The following GABRG3 variants were observed in gnomAD, a reference collection of about 807,000 sequenced individuals.
The protein encoded by GABRG3 is gamma-aminobutyric acid receptor subunit gamma-3.
In GABRG3, 25 loss-of-function variants were observed where a neutral mutation model predicts 48.8. The observed-to-expected ratio is 0.51, with a 90% CI of 0.37 to 0.72. The LOEUF (loss-of-function observed/expected upper bound fraction) is 0.72, where lower values mean the gene tolerates loss of function less well. Among genes scored for constraint, GABRG3 ranks in the 30% least tolerant of loss-of-function variants. The pLI, the probability that GABRG3 is intolerant of heterozygous loss-of-function variation, is 0.00. For synonymous variants in GABRG3, 227 were observed against 217.6 expected (o/e 1.04, Z -0.38); for missense variants, 394 against 577.9 (o/e 0.68, Z 3.26).
chr15:27,254,369 G>A (rs1171308132), intron 3 of GABRG3, among the ~76,000 whole-genome samples: 1 of 152,154 alleles, frequency 6.6e-6, no homozygotes, highest in Admixed American at 6.5e-5. Context: ...GTTCTCGCCT[G>A]TTCTTCTGAG....
chr15:27,448,334 G>A (rs566732748), intron 5 of GABRG3, among the ~76,000 whole-genome samples: 10 of 152,274 alleles, frequency 6.6e-5, no homozygotes, highest in African/African-American at 2.4e-4. Flanking sequence ...ACGTGACTGG[G>A]GCTGGATCTG....
At chr15:27,429,614 G>A (rs1000084126) in intron 5 of GABRG3, among the ~76,000 whole-genome samples, 4 of 152,090 alleles carry the variant, frequency 2.6e-5, no homozygotes, top group African/African-American at 9.7e-5. Context: ...AATCATGCTC[G>A]GTACTTGAAT....
At position 27,306,945 on chromosome 15, in the gene GABRG3, T is replaced by TA. The variant is rs1262765194; in HGVS notation, c.271-19863dup. 7.6e-5 allele frequency among the ~76,000 whole-genome samples: 9 copies of TA among 118,164 alleles called. 1 individual carries two copies. The highest frequency in any genetic ancestry group is 2.8e-4 in the African/African-American group (9 of 31,754). 77.5% of individuals were successfully genotyped at this position (118,164 alleles called of 152,430 possible). A position where few individuals can be genotyped will look rare whatever the true frequency, so the allele number is the denominator to read the frequency against. On this transcript the variant is annotated intron_variant, in intron 3 of 9. Transcript: ENST00000615808. Reference sequence around the variant, plus strand: ...ATAAACATGTTTATATATAAACATATATAATATAAACATGTTTATATATAA... The same window carrying TA: ...ATAAACATGTTTATATATAAACATATAATAATATAAACATGTTTATATATAA...
intron 6 of GABRG3, among the ~76,000 whole-genome samples, chr15:27,499,982 C>A (rs528155995): frequency 6.6e-6 from 1 of 152,322 alleles, no homozygotes; most frequent in South Asian, 2.1e-4. Context: ...AGAGGATGCA[C>A]AGTGTGTCCC....
chr15:27,488,126 C>T (rs1416708981), intron 6 of GABRG3, among the ~76,000 whole-genome samples: 1 of 152,170 alleles, frequency 6.6e-6, no homozygotes, highest in Non-Finnish European at 1.5e-5. Context: ...CACATCCTAG[C>T]AAGCGCTCAT....
chr15:27,046,150 A>G (rs1343398893), intron 3 of GABRG3, among the ~76,000 whole-genome samples: 1 of 152,102 alleles, frequency 6.6e-6, no homozygotes, highest in Non-Finnish European at 1.5e-5. Flanking sequence ...CTGGAGTGCA[A>G]TGGCACGATC....
At chr15:27,408,845 C>G (rs866030810) in intron 5 of GABRG3, among the ~76,000 whole-genome samples, 14 of 152,326 alleles carry the variant, frequency 9.2e-5, no homozygotes, top group African/African-American at 3.4e-4. Context: ...GCTGGTAATG[C>G]ACTTTAAGAC....
chr15:27,463,223 A>G (rs1386898216), intron 5 of GABRG3, among the ~76,000 whole-genome samples: 2 of 152,230 alleles, frequency 1.3e-5, no homozygotes, highest in Admixed American at 6.5e-5. Flanking sequence ...AAAGGAAAGC[A>G]AAAGCAAACA....
intron 2 of GABRG3, among the ~76,000 whole-genome samples, chr15:26,980,778 T>A (rs1895039182): frequency 6.6e-6 from 1 of 152,188 alleles, no homozygotes; most frequent in African/African-American, 2.4e-5. Flanking sequence ...TTCTTTAATT[T>A]CATCCCATGA....
At chr15:27,088,468 G>A (rs1280672555) in intron 3 of GABRG3, among the ~76,000 whole-genome samples, 2 of 152,110 alleles carry the variant, frequency 1.3e-5, no homozygotes, top group East Asian at 3.9e-4. Flanking sequence ...GTGCCGGGCA[G>A]GCTGCGGGTG....
chr15:27,536,590 T>C lies in GABRG3; in HGVS notation c.*3709T>C, dbSNP rs1032811669. The C allele has an allele frequency of 6.6e-6, 1 of 152,196 alleles. No homozygotes were observed. Among genetic ancestry groups the C allele is most frequent in the Non-Finnish European group, 1.5e-5 (1 of 68,036 alleles). The allele number at this position is 152,196 out of a possible 1,614,324, so 9.4% of individuals were successfully genotyped here. ...TCTTTGACTGAGAAAATGCGTGTTCTCAAGAGCAAAGCATTTTCACTCTAC... is the reference window on the plus strand; with the variant it reads ...TCTTTGACTGAGAAAATGCGTGTTCCCAAGAGCAAAGCATTTTCACTCTAC... On this transcript the variant is annotated 3_prime_UTR_variant, in exon 10 of 10. Transcript: ENST00000615808.
At chr15:27,467,228 CTTA>C (rs149329620) in intron 5 of GABRG3, among the ~76,000 whole-genome samples, 3,597 of 152,256 alleles carry the variant, frequency 0.024, 55 homozygotes, top group Non-Finnish European at 0.035. Flanking sequence ...TTTCATATCT[CTTA>C]TTATAATGGC....
chr15:27,501,791 G>A (rs966547522), intron 6 of GABRG3, among the ~76,000 whole-genome samples: 1 of 152,136 alleles, frequency 6.6e-6, no homozygotes, highest in African/African-American at 2.4e-5. Flanking sequence ...TGAACACTTA[G>A]GGATGAGAAA....
chr15:27,285,941 A>G (rs1290502449), intron 3 of GABRG3, among the ~76,000 whole-genome samples: 1 of 152,200 alleles, frequency 6.6e-6, no homozygotes, highest in Non-Finnish European at 1.5e-5. Context: ...TCACCTCTCT[A>G]TCAATGACAC....
At chr15:27,415,126 A>T (rs1887903276) in intron 5 of GABRG3, among the ~76,000 whole-genome samples, 1 of 152,158 alleles carries the variant, frequency 6.6e-6, no homozygotes, top group Non-Finnish European at 1.5e-5. Context: ...AGTATTAAAG[A>T]TGTTGTCTTT....
At position 27,179,772 on chromosome 15, in the gene GABRG3, C is replaced by T. The variant is rs1342236519; in HGVS notation, c.271-147037C>T. 1.3e-5 allele frequency among the ~76,000 whole-genome samples: 2 copies of T among 152,078 alleles called. No individual in the cohort carries two copies. Among genetic ancestry groups the T allele is most frequent in the Admixed American group, 1.3e-4 (2 of 15,272 alleles). On this transcript the variant is annotated intron_variant, in intron 3 of 9. Transcript: ENST00000615808. This position sits in a 1 kb window ranked among gnomAD's most constrained non-coding sequence, Gnocchi z 4.0. ...TGAATGCTGTGGGAAAGATGGAAGC[C>T]AAAGATGCACCGGGTCTTTGGAAAA...
At chr15:27,365,219 C>CACT (rs1895151143) in intron 5 of GABRG3, 3 of 151,740 alleles carry the variant, frequency 2.0e-5, no homozygotes, top group South Asian at 4.2e-4. Context: ...TATACTGATA[C>CACT]ACTACTAAGC....
chr15:27,250,679 G>T (rs982300625), intron 3 of GABRG3, among the ~76,000 whole-genome samples: 4 of 152,168 alleles, frequency 2.6e-5, no homozygotes, highest in Admixed American at 2.0e-4. Context: ...CGCCCACCTT[G>T]GCCTCCCAAA....
chr15:27,349,613 A>G (rs564391391), intron 5 of GABRG3, among the ~76,000 whole-genome samples: 13 of 152,310 alleles, frequency 8.5e-5, no homozygotes, highest in Admixed American at 7.8e-4. Context: ...GCAAGAGAAC[A>G]TGCTCGCCAA....
Sources: gnomAD v4.1 joint callset for allele counts (sites outside exome capture counted in the v4.1 genomes callset) on GRCh38, gnomAD v4.1.1 for gene constraint, Gnocchi (gnomAD v3.1) non-coding constraint, MANE v1.5 for transcripts, NCBI Gene and HGNC (gene_info 2026-07-23, HGNC 2026-07-21) for gene names.